Variants in EGLN1 observed in about 807,000 individuals in gnomAD.
EGLN1 encodes the protein egl-9 family hypoxia inducible factor 1, also known as egl nine homolog 1.
Under a neutral mutation model 38.3 loss-of-function variants are expected in EGLN1, and 17 were observed. The ratio of observed to expected loss-of-function variants is 0.44; its 90% CI spans 0.30 to 0.67. The LOEUF (loss-of-function observed/expected upper bound fraction) is 0.67. EGLN1 is among the 30% of genes least tolerant of loss of function. The pLI is 0.08. For missense variants in EGLN1, 477 were observed against 603.3 expected (o/e 0.79, Z 2.19); for synonymous variants, 283 against 257.5 (o/e 1.10, Z -0.95).
At chr1:231,406,121 C>A (rs1390632085) in intron 1 of EGLN1, among the ~76,000 whole-genome samples, 1 of 144,460 alleles carries the variant, frequency 6.9e-6, no homozygotes. Context: ...AAGATTGCAC[C>A]ACTGCAGTCC....
chr1:231,409,508 G>C (rs1050734258), intron 1 of EGLN1, among the ~76,000 whole-genome samples: 1 of 152,094 alleles, frequency 6.6e-6, no homozygotes, highest in Non-Finnish European at 1.5e-5. Context: ...AAGTTCACAG[G>C]ATCAATTTTA....
At chr1:231,383,905 T>C (rs1209666931) in intron 1 of EGLN1, among the ~76,000 whole-genome samples, 3 of 152,150 alleles carry the variant, frequency 2.0e-5, no homozygotes, top group Non-Finnish European at 2.9e-5. Context: ...AGAGATCCTG[T>C]ACTTTAAACA....
At chr1:231,408,758 G>C (rs868038029) in intron 1 of EGLN1, among the ~76,000 whole-genome samples, 21 of 152,110 alleles carry the variant, frequency 1.4e-4, no homozygotes, top group Admixed American at 1.4e-3. Context: ...ATGCTATCAC[G>C]GTGATGGGAA....
Position 231,364,238 on chromosome 1 carries a change from A to G in EGLN1, c.*2173T>C, listed in dbSNP as rs1687577844. The G allele has an allele frequency of 6.6e-6, 1 of 152,262 alleles. No individual in the cohort carries two copies. Among genetic ancestry groups the G allele is most frequent in the African/African-American group, 2.4e-5 (1 of 41,456 alleles). 9.4% of individuals were successfully genotyped at this position (152,262 alleles called of 1,614,324 possible). ...AACTGTAGAGGTACACATTTGAATG[A>G]CAACAGGGGCTCCCAAATTAAAAGG... On this transcript the variant is annotated 3_prime_UTR_variant, in exon 5 of 5. Coordinates refer to ENST00000366641, the MANE Select transcript of EGLN1 (RefSeq NM_022051.3).
intron 1 of EGLN1, among the ~76,000 whole-genome samples, chr1:231,376,023 T>C (rs1411328559): frequency 6.6e-6 from 1 of 152,154 alleles, no homozygotes; most frequent in Non-Finnish European, 1.5e-5. Context: ...TCACATCCCA[T>C]ATATCCATTT....
chr1:231,387,655 G>C (rs553294852), intron 1 of EGLN1, among the ~76,000 whole-genome samples: 4 of 152,084 alleles, frequency 2.6e-5, no homozygotes, highest in Non-Finnish European at 4.4e-5. Context: ...CACCACACCC[G>C]GCCGCAACTT....
At chr1:231,403,320 G>T (rs1212497410) in intron 1 of EGLN1, among the ~76,000 whole-genome samples, 1 of 152,162 alleles carries the variant, frequency 6.6e-6, no homozygotes, top group Non-Finnish European at 1.5e-5. Context: ...TACTGAGAAA[G>T]AAGTATTGAA....
Position 231,421,512 on chromosome 1 carries a change from G to T in EGLN1, c.377C>A (p.Pro126Gln). The T allele has an allele frequency of 7.6e-7, 1 of 1,314,210 alleles. No homozygotes were observed. The highest frequency in any genetic ancestry group is 9.7e-7 in the Non-Finnish European group (1 of 1,033,012). 81.4% of individuals were successfully genotyped at this position (1,314,210 alleles called of 1,614,324 possible). ...CTGGCCGCCGGCGGCCGCACGACAC[G>T]GCGACGCGGCCGCCGCTGGGTCGGC... The part of the protein sequence containing the change: ...PPADPAAAAS[P>Q]CRAAAGGQGS... Residue 126 changes from proline (P) to glutamine (Q), a missense_variant, in exon 1 of 5, where the codon CCG becomes CAG. Around this residue, in one of 4 missense-constraint regions of EGLN1, gnomAD observed 298 missense variants for 288.9 expected, o/e 1.03. Transcript: ENST00000366641. This position sits in a 1 kb window ranked among gnomAD's most constrained non-coding sequence, Gnocchi z 5.5.
intron 1 of EGLN1, among the ~76,000 whole-genome samples, chr1:231,418,590 G>A (rs1572055044): frequency 6.6e-6 from 1 of 152,150 alleles, no homozygotes; most frequent in South Asian, 2.1e-4. Flanking sequence ...GTGGCCAGGT[G>A]AGGTGGTTCA....
chr1:231,411,145 G>A (rs1295563059), intron 1 of EGLN1, among the ~76,000 whole-genome samples: 3 of 152,112 alleles, frequency 2.0e-5, no homozygotes, highest in African/African-American at 7.2e-5. Context: ...AATCCCCATT[G>A]TCAGGGGAGG....
chr1:231,412,688 TAGTAGTAGC>T (rs1688984245), intron 1 of EGLN1, among the ~76,000 whole-genome samples: 2 of 152,146 alleles, frequency 1.3e-5, no homozygotes. Context: ...AGGTCAACAG[TAGTAGTAGC>T]TAGCACAGCC....
intron 1 of EGLN1, among the ~76,000 whole-genome samples, chr1:231,417,321 C>T (rs1036488403): frequency 2.0e-5 from 3 of 152,094 alleles, no homozygotes; most frequent in Admixed American, 6.5e-5. Context: ...TATGTTTTAA[C>T]GGAACAGATG....
In EGLN1 at chr1:231,412,011, CAAAAAAAAAAAAAAAAAAAA is replaced by C. The variant is rs747472895; in HGVS notation, c.891+8967_891+8986del. ...TGGGTGACAGAGTGAGACTCCATCT[CAAAAAAAAAAAAAAAAAAAA>C]AAAAAAAAAAAAAAAAAAGGCCTGG... On this transcript the variant is annotated intron_variant, in intron 1 of 4. Coordinates refer to ENST00000366641, the MANE Select transcript of EGLN1 (RefSeq NM_022051.3). Among the ~76,000 whole-genome samples the C allele has an allele frequency of 3.0e-3, 100 of 33,656 alleles. 1 individual carries two copies. The highest frequency in any genetic ancestry group is 9.9e-3 in the South Asian group (4 of 404). 22.1% of individuals were successfully genotyped at this position (33,656 alleles called of 152,430 possible).
At chr1:231,407,124 A>G (rs944201229) in intron 1 of EGLN1, among the ~76,000 whole-genome samples, 1 of 152,170 alleles carries the variant, frequency 6.6e-6, no homozygotes, top group Non-Finnish European at 1.5e-5. Context: ...TTTTGTTTTA[A>G]GGATAAAAAT....
intron 1 of EGLN1, among the ~76,000 whole-genome samples, chr1:231,394,504 G>A (rs559694159): frequency 2.7e-5 from 4 of 149,448 alleles, no homozygotes; most frequent in African/African-American, 9.8e-5. Context: ...TCAGCCTCCC[G>A]AGTAGCTGGG....
At chr1:231,388,284 G>A (rs1393645804) in intron 1 of EGLN1, among the ~76,000 whole-genome samples, 1 of 137,672 alleles carries the variant, frequency 7.3e-6, no homozygotes, top group Admixed American at 7.3e-5. Flanking sequence ...AAAATTAAGA[G>A]GGAAGAACCA....
intron 2 of EGLN1, among the ~76,000 whole-genome samples, chr1:231,373,527 T>C (rs1212278114): frequency 6.6e-6 from 1 of 152,228 alleles, no homozygotes. Context: ...TTTTGAGGTA[T>C]AACTGATATA....
chr1:231,415,128 C>G (rs1197570738), intron 1 of EGLN1, among the ~76,000 whole-genome samples: 1 of 152,036 alleles, frequency 6.6e-6, no homozygotes, highest in Non-Finnish European at 1.5e-5. Flanking sequence ...AAGAAATTAT[C>G]CAGGTGTGGT....
At chr1:231,409,221 G>A (rs985257176) in intron 1 of EGLN1, among the ~76,000 whole-genome samples, 10 of 138,502 alleles carry the variant, frequency 7.2e-5, no homozygotes, top group Admixed American at 7.6e-5. Flanking sequence ...TTAACCTTTA[G>A]AAGTCTTAGC....
Sources: gnomAD v4.1 joint callset for allele counts (sites outside exome capture counted in the v4.1 genomes callset) on GRCh38, gnomAD v4.1.1 for gene constraint, gnomAD v4.1.1 regional missense constraint, Gnocchi (gnomAD v3.1) non-coding constraint, MANE v1.5 for transcripts, NCBI Gene and HGNC (gene_info 2026-07-23, HGNC 2026-07-21) for gene names.